The following RNH1 variants were observed in gnomAD, a reference collection of about 807,000 sequenced individuals.
The protein encoded by RNH1 is ribonuclease inhibitor.
In RNH1, 38 loss-of-function variants were observed where a neutral mutation model predicts 46.1. The observed-to-expected ratio is 0.82, with a 90% confidence interval of 0.64 to 1.08. RNH1 has a LOEUF of 1.08. Ranked by LOEUF, RNH1 falls within the 50% of genes least tolerant of loss-of-function variation. The pLI, the probability that RNH1 is intolerant of heterozygous loss-of-function variation, is 0.00. For missense variants in RNH1, 577 were observed against 590.7 expected (o/e 0.98, Z 0.24); for synonymous variants, 319 against 279.1 (o/e 1.14, Z -1.43).
chr11:499,992 T>G lies in RNH1; in HGVS notation c.280A>C (p.Asn94His), dbSNP rs773849440. 11 of 1,566,370 alleles carry G rather than the reference T, an allele frequency of 7.0e-6. No individual in the cohort carries two copies. In the South Asian group the frequency reaches 1.3e-4, roughly 18 times the overall value. The change falls in exon 5 of 11, where the codon AAC becomes CAC. Residue 94 changes from asparagine to histidine, a missense_variant. Asn to His is a moderately conservative substitution (Grantham distance 68). Transcript: ENST00000354420. ...CAGCCGGCCCCCGTCAGGCAGCAGTTCTGGAGGCTGGAGCATACCTGGCTG... is the reference window on the plus strand; with the variant it reads ...CAGCCGGCCCCCGTCAGGCAGCAGTGCTGGAGGCTGGAGCATACCTGGCTG... ...SCKIQKLSLQ[N>H]CCLTGAGCGV...
At chr11:495,492 C>T (rs747168094) in intron 9 of RNH1, among the ~76,000 whole-genome samples, 15 of 152,162 alleles carry the variant, frequency 9.9e-5, no homozygotes, top group Admixed American at 4.6e-4. Flanking sequence ...CAGAGAGAGA[C>T]AAGAGAACGG....
chr11:499,215 A>G, intron 5 of RNH1, 30 bp from the exon 6 acceptor site: 3 of 1,607,372 alleles, frequency 1.9e-6, no homozygotes, highest in Non-Finnish European at 1.7e-6. Flanking sequence ...AGCACCACAC[A>G]GGAATGTGCA....
intron 9 of RNH1, among the ~76,000 whole-genome samples, chr11:496,475 C>G (rs1013232719): frequency 6.6e-6 from 1 of 152,212 alleles, no homozygotes; most frequent in East Asian, 1.9e-4. Context: ...CAAGACCATA[C>G]TGGCTAACAC....
Position 498,033 on chromosome 11 carries a change from A to G in RNH1, c.1065T>C (p.Asp355=). 6.2e-7 allele frequency: 1 copy of G among 1,613,960 alleles called. No individual in the cohort carries two copies. The highest frequency in any genetic ancestry group is 8.5e-7 in the Non-Finnish European group (1 of 1,179,958). The change falls in exon 9 of 11, where the codon GAT becomes GAC. Residue 355 remains aspartate (D), a synonymous_variant. Coordinates refer to ENST00000354420, the MANE Select transcript of RNH1 (RefSeq NM_203387.3). ...CCTGGCACAGCTCCCGCACGCCCGC[A>G]TCCTCCAGCCTGTTGTTGCTTATCT... ...ELQISNNRLE[D]AGVRELCQGL...
intron 1 of RNH1, 78 bp downstream of exon 1, chr11:507,035 C>T (rs1292567776): frequency 1.3e-5 from 2 of 152,268 alleles, no homozygotes; most frequent in African/African-American, 4.8e-5. Flanking sequence ...GCGCCAGGCC[C>T]GCGTCTACAA....
At chr11:504,444 G>T in intron 2 of RNH1, 1 of 153,146 alleles carries the variant, frequency 6.5e-6, no homozygotes, top group South Asian at 1.9e-4. Context: ...CGCCGCCGCA[G>T]ACCCAAGGCC....
intron 4 of RNH1, 58 bp downstream of exon 4, chr11:500,426 T>C (rs944638037): frequency 3.1e-5 from 48 of 1,562,232 alleles, no homozygotes; most frequent in Admixed American, 5.1e-5. Context: ...TGTCCCCTGC[T>C]GCCGGGCTAC....
rs774344590 is a variant in RNH1, at chr11:498,467, C to G, written c.946G>C (p.Glu316Gln). The change falls in exon 8 of 11, where the codon GAG (glutamate) becomes CAG (glutamine). Residue 316 changes from glutamate to glutamine, a missense_variant. Transcript: ENST00000354420. ...GACAGCCACACTCACCACAGCGACT[C>G]CAGCTGGCAGCCAGGTTCCAGCAGG... ...ETLLEPGCQL[E>Q]SLWVKSCSFT... 6.2e-7 allele frequency: 1 copy of G among 1,612,674 alleles called. No individual in the cohort carries two copies. The highest frequency in any genetic ancestry group is 8.5e-7 in the Non-Finnish European group (1 of 1,180,006).
chr11:499,327 C>T, intron 5 of RNH1, 142 bp from the exon 6 acceptor site: 1 of 845,178 alleles, frequency 1.2e-6, no homozygotes, highest in South Asian at 1.6e-5. Flanking sequence ...GGGACCCCCA[C>T]AGACTCATCC....
Position 499,052 on chromosome 11 carries a change from C to T in RNH1, c.577G>A (p.Gly193Ser), listed in dbSNP as rs1221486350. The change falls in exon 6 of 11, where the codon GGC (glycine) becomes AGC (serine). Residue 193 changes from glycine to serine, a missense_variant. Physicochemically the swap from Gly to Ser is moderately conservative, Grantham distance 56 (BLOSUM62 0). Transcript: ENST00000354420. ...NEAGVRVLCQ[G>S]LKDSPCQLEA... ...AGCTGGCAGGGGGAGTCCTTCAGGC[C>T]CTGGCACAGCACACGGACGCCAGCC... 13 of 1,613,234 alleles carry T rather than the reference C, an allele frequency of 8.1e-6. No individual in the cohort carries two copies. The highest frequency in any genetic ancestry group is 2.2e-5 in the East Asian group (1 of 44,880).
chr11:494,783 A>G lies in RNH1; in HGVS notation c.1299-5T>C, dbSNP rs1565010746. On this transcript the variant is annotated splice_region_variant and splice_polypyrimidine_tract_variant and intron_variant, in intron 10 of 10. Coordinates refer to ENST00000354420, the MANE Select transcript of RNH1 (RefSeq NM_203387.3). ...GACCAGTAAATGTCGTACAGGCTGC[A>G]CACAGGCCAGAAGGGAGGCATGGGC... 3.7e-6 allele frequency: 6 copies of G among 1,613,872 alleles called. No homozygotes were observed. The highest frequency in any genetic ancestry group is 5.1e-6 in the Non-Finnish European group (6 of 1,179,976).
intron 9 of RNH1, among the ~76,000 whole-genome samples, chr11:495,825 C>T (rs36042148): frequency 0.055 from 8,320 of 152,222 alleles, 258 homozygotes; most frequent in South Asian, 0.095. Flanking sequence ...GCTCACTGTC[C>T]AGGGCTCCCG....
In RNH1 at chr11:499,793, G is replaced by A. The variant is rs145714439; in HGVS notation, c.443+36C>T. 3,519 of 1,584,924 alleles carry A rather than the reference G, an allele frequency of 2.2e-3. 8 individuals are homozygous for A. The highest frequency in any genetic ancestry group is 2.7e-3 in the Non-Finnish European group (3,128 of 1,163,524). On this transcript the variant is annotated intron_variant, in intron 5 of 10. Transcript: ENST00000354420. ...GGGGGCTGGCTGGGGGACAGGCAGC[G>A]GCCAGCATGGGCCCTGGGGCAGGAC...
intron 9 of RNH1, among the ~76,000 whole-genome samples, chr11:497,211 T>TCATA (rs1849186726): frequency 7.7e-6 from 1 of 130,248 alleles, no homozygotes; most frequent in Non-Finnish European, 1.6e-5. Context: ...ACCCATGTGC[T>TCATA]CACGTACTCT....
chr11:504,035 A>C (rs1381216181), intron 2 of RNH1, among the ~76,000 whole-genome samples: 1 of 152,258 alleles, frequency 6.6e-6, no homozygotes, highest in African/African-American at 2.4e-5. Flanking sequence ...TGGTTGAGGC[A>C]GGGATCTGAA....
intron 9 of RNH1, among the ~76,000 whole-genome samples, chr11:495,862 C>A (rs1849006088): frequency 6.6e-6 from 1 of 152,192 alleles, no homozygotes; most frequent in African/African-American, 2.4e-5. Context: ...TGGTGCCCAG[C>A]CCAGGATGAC....
chr11:494,679 G>C lies in RNH1; in HGVS notation c.*12C>G. 6.2e-7 allele frequency: 1 copy of C among 1,612,872 alleles called. No homozygotes were observed. The highest frequency in any genetic ancestry group is 8.5e-7 in the Non-Finnish European group (1 of 1,179,354). ...GGCCGGTCGTCCAGGGAGAGCAGCA[G>C]CAGGAAGAGCCTCAGGAGATGACCC... On this transcript the variant is annotated 3_prime_UTR_variant, in exon 11 of 11. Coordinates refer to ENST00000354420, the MANE Select transcript of RNH1 (RefSeq NM_203387.3).
Position 498,000 on chromosome 11 carries a change from G to T in RNH1, c.1098C>A (p.Gly366=), listed in dbSNP as rs752539935. 1.2e-6 allele frequency: 2 copies of T among 1,613,820 alleles called. No individual in the cohort carries two copies. The highest frequency in any genetic ancestry group is 2.7e-5 in the African/African-American group (2 of 74,944). The change falls in exon 9 of 11, where the codon GGC becomes GGA. Residue 366 remains glycine (G), a synonymous_variant. Transcript: ENST00000354420. ...AGVRELCQGL[G]QPGSVLRVLW... is the part of the protein sequence containing the mutation. ...GCACCCGCAGCACAGAGCCAGGCTG[G>T]CCCAGGCCCTGGCACAGCTCCCGCA...
rs759267447 is a variant in RNH1, at chr11:497,981, G to A, written c.1117C>T (p.Arg373Trp). ...CCCTCACACACTCACCAGAGCACCC[G>A]CAGCACAGAGCCAGGCTGGCCCAGG... ...QGLGQPGSVL[R>W]VLWLADCDVS... The change falls in exon 9 of 11, where the codon CGG becomes TGG. Residue 373 changes from arginine (R) to tryptophan (W), a missense_variant. Arg to Trp is a moderately radical substitution (Grantham distance 101, BLOSUM62 -3). Transcript: ENST00000354420. 116 of 1,613,286 alleles carry A rather than the reference G, an allele frequency of 7.2e-5. No homozygotes were observed. Among genetic ancestry groups the A allele is most frequent in the African/African-American group, 5.3e-4 (40 of 74,956 alleles).
Sources: allele counts gnomAD v4.1 joint callset (sites outside exome capture counted in the v4.1 genomes callset), GRCh38; gene constraint gnomAD v4.1.1; transcripts MANE v1.5; gene names NCBI Gene and HGNC (gene_info 2026-07-23, HGNC 2026-07-21).